LONRF1: variants seen among roughly 807,000 people sequenced by gnomAD.
LONRF1 encodes LON peptidase N-terminal domain and ring finger 1.
In LONRF1, 37 loss-of-function variants were observed where a neutral mutation model predicts 85.8. The ratio of observed to expected loss-of-function variants is 0.43; its 90% CI spans 0.33 to 0.57. The LOEUF (loss-of-function observed/expected upper bound fraction) is 0.57. Ranked by LOEUF, LONRF1 falls within the 20% of genes least tolerant of loss-of-function variation. The pLI is 0.04. For missense variants in LONRF1, 1,036 were observed against 978.0 expected, an observed-to-expected ratio of 1.06 and a Z score of -0.79; for synonymous variants, 517 against 390.1, an observed-to-expected ratio of 1.33 and a Z score of -3.83.
Position 12,722,970 on chromosome 8 carries a change from G to T in LONRF1, c.*126C>A. 1 of 888,836 alleles carries T rather than the reference G, an allele frequency of 1.1e-6. No individual in the cohort carries two copies. The allele number at this position is 888,836 out of a possible 1,614,324, so 55.1% of individuals were successfully genotyped here. On this transcript the variant is annotated 3_prime_UTR_variant, in exon 12 of 12. Coordinates refer to ENST00000398246, the MANE Select transcript of LONRF1 (RefSeq NM_152271.5). ...TTTGCAGAACCACATGATTCAGGAG[G>T]TCGAAGGAAAAAGAAAAGTTTCATT... is the stretch of plus-strand genomic sequence containing the variant.
intron 1 of LONRF1, among the ~76,000 whole-genome samples, chr8:12,750,404 C>G (rs6530968): frequency 0.96 from 146,294 of 152,308 alleles, 70,540 homozygotes; most frequent in East Asian, 1. Context: ...TATATACTAT[C>G]ATACCTGTGA....
In LONRF1 at chr8:12,726,022, A is replaced by G. The variant is rs186750124; in HGVS notation, c.2011-143T>C. 7.4e-4 allele frequency: 514 copies of G among 695,030 alleles called. 2 individuals are homozygous for G. Among genetic ancestry groups the G allele is most frequent in the Middle Eastern group, 2.1e-3 (5 of 2,410 alleles). The allele number at this position is 695,030 out of a possible 1,614,324, so 43.1% of individuals were successfully genotyped here. On this transcript the variant is annotated intron_variant, in intron 10 of 11. Transcript: ENST00000398246. ...TGACGTCCCAGAGAGTATTATTCCTATGCTTTAATACACATTTCTGTCTCA... is the reference window on the plus strand; with the variant it reads ...TGACGTCCCAGAGAGTATTATTCCTGTGCTTTAATACACATTTCTGTCTCA...
intron 1 of LONRF1, among the ~76,000 whole-genome samples, chr8:12,751,296 G>GTTTTTTT (rs869038024): frequency 2.9e-4 from 20 of 69,532 alleles, no homozygotes; most frequent in South Asian, 6.3e-4. Context: ...TTATTTTTAT[G>GTTTTTTT]TTTTTTTTTT....
chr8:12,733,146 G>C (rs1362650815), intron 7 of LONRF1, among the ~76,000 whole-genome samples: 2 of 152,148 alleles, frequency 1.3e-5, no homozygotes, highest in Non-Finnish European at 2.9e-5. Context: ...GGTCAGGGGA[G>C]CATGGGGAGA....
intron 2 of LONRF1, among the ~76,000 whole-genome samples, chr8:12,742,042 A>G (rs1229555839): frequency 6.6e-6 from 1 of 152,216 alleles, no homozygotes; most frequent in Non-Finnish European, 1.5e-5. Context: ...CTAGCCAAAC[A>G]GTTTTTTAGC....
intron 2 of LONRF1, among the ~76,000 whole-genome samples, chr8:12,742,777 C>A (rs1215700042): frequency 6.6e-5 from 10 of 151,920 alleles, no homozygotes; most frequent in African/African-American, 2.4e-4. Context: ...GACACCAAGG[C>A]TGGAATGCAG....
chr8:12,741,495 G>A (rs924492340), intron 2 of LONRF1, among the ~76,000 whole-genome samples: 6 of 152,236 alleles, frequency 3.9e-5, no homozygotes, highest in South Asian at 2.1e-4. Context: ...GGGGAACTGA[G>A]GCCCAGACAA....
Position 12,741,253 on chromosome 8 carries a change from A to G in LONRF1, c.841-257T>C, listed in dbSNP as rs117525634. On this transcript the variant is annotated intron_variant, in intron 2 of 11. Transcript: ENST00000398246. The stretch of plus-strand genomic sequence containing the variant: ...GCAAACATTAGCCAGGCACGGGGGC[A>G]TGCACCTGTAATCCCAGCTAACTGG... Among the ~76,000 whole-genome samples the G allele has an allele frequency of 1.8e-3, 269 of 152,208 alleles. 6 individuals carry two copies. The East Asian group carries it at 0.046, about 26-fold the overall frequency.
At position 12,755,458 on chromosome 8, in the gene LONRF1, C is replaced by A. The variant is rs1291694061; in HGVS notation, c.-38G>T. 3.1e-5 allele frequency: 34 copies of A among 1,082,786 alleles called. No individual in the cohort carries two copies. In the South Asian group the frequency reaches 9.2e-4, roughly 29 times the overall value. The allele number at this position is 1,082,786 out of a possible 1,614,324, so 67.1% of individuals were successfully genotyped here. A position where few individuals can be genotyped will look rare whatever the true frequency, so the allele number is the denominator to read the frequency against. On this transcript the variant is annotated 5_prime_UTR_variant, in exon 1 of 12. Coordinates refer to ENST00000398246, the MANE Select transcript of LONRF1 (RefSeq NM_152271.5). ...GCTGCGCCGCCGCCGCCCGCCGCCA[C>A]GGTCCCGGAGCCTCCCGGGCGCGCG...
At position 12,755,022 on chromosome 8, in the gene LONRF1, C is replaced by T. The variant is rs1205436970; in HGVS notation, c.399G>A (p.Pro133=). 6.7e-7 allele frequency: 1 copy of T among 1,491,032 alleles called. No individual in the cohort carries two copies. Among genetic ancestry groups the T allele is most frequent in the Non-Finnish European group, 8.9e-7 (1 of 1,127,186 alleles). 92.4% of individuals were successfully genotyped at this position (1,491,032 alleles called of 1,614,324 possible). A position where few individuals can be genotyped will look rare whatever the true frequency, so the allele number is the denominator to read the frequency against. ...CLGCRGFLSE[P]VTVPCGHSYC... is the part of the protein sequence containing the mutation. ...AGCTGTGGCCACAGGGCACGGTCAC[C>T]GGCTCGCTCAGGAAGCCCCGGCAGC... Residue 133 remains proline, a synonymous_variant, in exon 1 of 12, where the codon CCG becomes CCA. Transcript: ENST00000398246.
chr8:12,734,713 C>T (rs1487033661), intron 7 of LONRF1, among the ~76,000 whole-genome samples: 1 of 152,152 alleles, frequency 6.6e-6, no homozygotes, highest in East Asian at 1.9e-4. Context: ...CTGCATTGCC[C>T]AATGTCGCAG....
intron 6 of LONRF1, 88 bp downstream of exon 6, chr8:12,736,613 T>G (rs1403225646): frequency 3.4e-6 from 3 of 891,354 alleles, no homozygotes; most frequent in Admixed American, 2.7e-5. Flanking sequence ...TGTGTTACTT[T>G]ACATTGTCTA....
Position 12,722,821 on chromosome 8 carries a change from G to C in LONRF1, c.*275C>G, listed in dbSNP as rs1805962861. On this transcript the variant is annotated 3_prime_UTR_variant, in exon 12 of 12. Coordinates refer to ENST00000398246, the MANE Select transcript of LONRF1 (RefSeq NM_152271.5). Reference sequence around the variant, plus strand: ...ACACACTCTCTCACAGACATAAAGAGTTCTTATTTCATTTTAGAGTATGGT... The same window carrying C: ...ACACACTCTCTCACAGACATAAAGACTTCTTATTTCATTTTAGAGTATGGT... 3.5e-6 allele frequency: 1 copy of C among 285,122 alleles called. No individual in the cohort carries two copies. The highest frequency in any genetic ancestry group is 6.6e-6 in the Non-Finnish European group (1 of 150,558). 17.7% of individuals were successfully genotyped at this position (285,122 alleles called of 1,614,324 possible).
At chr8:12,747,899 C>T (rs767257870) in intron 1 of LONRF1, among the ~76,000 whole-genome samples, 16 of 152,062 alleles carry the variant, frequency 1.1e-4, no homozygotes, top group Non-Finnish European at 1.9e-4. Context: ...CTAAAACAAA[C>T]GGCCTCCCAT....
chr8:12,741,156 G>C (rs1459677806), intron 2 of LONRF1, among the ~76,000 whole-genome samples, 160 bp from the exon 3 acceptor site: 1 of 152,170 alleles, frequency 6.6e-6, no homozygotes, highest in Non-Finnish European at 1.5e-5. Context: ...GGCTGACAAA[G>C]GTGGATCACT....
At chr8:12,727,419 T>G (rs111312636) in intron 10 of LONRF1, 2 of 151,736 alleles carry the variant, frequency 1.3e-5, no homozygotes, top group Non-Finnish European at 2.9e-5. Flanking sequence ...ATTTGCCATA[T>G]AAAACAAATT....
rs79937936 is a variant in LONRF1 at position 12,740,211 on chromosome 8, T to A, written c.963+663A>T. On this transcript the variant is annotated intron_variant, in intron 3 of 11. Transcript: ENST00000398246. ...ACCCTGAATTTGTATTAGCATAGAT[T>A]TTCTCAAAGAATTTTTCGAAGATAT... Among the ~76,000 whole-genome samples, 23 of 152,310 alleles carry A rather than the reference T, an allele frequency of 1.5e-4. No individual in the cohort carries two copies. The East Asian group carries it at 4.2e-3, about 28-fold the overall frequency.
At chr8:12,736,858 T>A (rs529357446) in intron 5 of LONRF1, 42 bp downstream of exon 5, 18 of 1,573,442 alleles carry the variant, frequency 1.1e-5, no homozygotes, top group Non-Finnish European at 1.5e-5. Flanking sequence ...CTATTCTGAC[T>A]AAATAAATTT....
intron 8 of LONRF1, among the ~76,000 whole-genome samples, chr8:12,729,958 C>G (rs1032400034): frequency 5.6e-4 from 86 of 152,282 alleles, no homozygotes; most frequent in African/African-American, 1.9e-3. Flanking sequence ...TGGGGGCACT[C>G]TGAAACAGCA....
Sources: allele counts gnomAD v4.1 joint callset (sites outside exome capture counted in the v4.1 genomes callset), GRCh38; gene constraint gnomAD v4.1.1; transcripts MANE v1.5; gene names NCBI Gene and HGNC (gene_info 2026-07-23, HGNC 2026-07-21).